The following NDUFB6 variants were observed in gnomAD, a reference collection of about 807,000 sequenced individuals.
NDUFB6 encodes NADH:ubiquinone oxidoreductase subunit B6, also known as NADH dehydrogenase [ubiquinone] 1 beta subcomplex subunit 6.
A neutral mutation model predicts 17.5 loss-of-function variants in NDUFB6; 23 were observed. The ratio of observed to expected loss-of-function variants is 1.31; its 90% confidence interval spans 0.94 to 1.86. The LOEUF is 1.86. NDUFB6 is among the 40% of genes most tolerant of loss of function. The pLI is 0.00. For missense variants in NDUFB6, 167 were observed against 153.8 expected (o/e 1.09, Z -0.46); for synonymous variants, 60 against 53.5 (o/e 1.12, Z -0.53).
At position 32,573,094 on chromosome 9, in the gene NDUFB6, G is replaced by A. The variant is rs905670923; in HGVS notation, c.-34C>T. ...TGGTACCAACGCAAAAGGACACGGC[G>A]CACCCTCGAACTACGGACTAGTTAC... On this transcript the variant is annotated 5_prime_UTR_variant, in exon 1 of 4. Coordinates refer to ENST00000379847, the MANE Select transcript of NDUFB6 (RefSeq NM_002493.5). 9 of 1,496,044 alleles carry A rather than the reference G, an allele frequency of 6.0e-6. No individual in the cohort carries two copies. The highest frequency in any genetic ancestry group is 2.5e-5 in the East Asian group (1 of 40,282). The allele number at this position is 1,496,044 out of a possible 1,614,324, so 92.7% of individuals were successfully genotyped here.
chr9:32,572,970 G>T lies in NDUFB6; in HGVS notation c.91C>A (p.Arg31=). ...TTCTGTGGGGGCAGCACCGGCTCCC[G>T]AGGGCTCAGCTCCTGGTCCTTCAGC... ...RWLKDQELSP[R]EPVLPPQKMG... The change falls in exon 1 of 4, where the codon CGG becomes AGG. Residue 31 remains arginine (R), a synonymous_variant. Transcript: ENST00000379847. The T allele has an allele frequency of 6.2e-7, 1 of 1,611,556 alleles. No individual in the cohort carries two copies. Among genetic ancestry groups the T allele is most frequent in the Non-Finnish European group, 8.5e-7 (1 of 1,178,730 alleles).
intron 3 of NDUFB6, among the ~76,000 whole-genome samples, chr9:32,554,756 T>A (rs1821408605): frequency 3.3e-5 from 5 of 152,354 alleles, no homozygotes; most frequent in African/African-American, 1.2e-4. Context: ...TGCCTTGAAG[T>A]GGCACTAATG....
rs1821978911 is a variant in NDUFB6 at position 32,573,003 on chromosome 9, T to A, written c.58A>T (p.Arg20Trp). 1.2e-6 allele frequency: 2 copies of A among 1,608,960 alleles called. No homozygotes were observed. Among genetic ancestry groups the A allele is most frequent in the Non-Finnish European group, 1.7e-6 (2 of 1,177,268 alleles). ...LRLQQLRELR[R>W]RWLKDQELSP... The stretch of plus-strand genomic sequence containing the variant: ...AGCTCCTGGTCCTTCAGCCATCGCC[T>A]TCTCAGCTCTCGCAGCTGCTGCAGC... The change falls in exon 1 of 4, where the codon AGG becomes TGG. Residue 20 changes from arginine (R) to tryptophan (W), a missense_variant. Coordinates refer to ENST00000379847, the MANE Select transcript of NDUFB6 (RefSeq NM_002493.5).
At chr9:32,562,833 C>T (rs1355776124) in intron 2 of NDUFB6, among the ~76,000 whole-genome samples, 1 of 152,172 alleles carries the variant, frequency 6.6e-6, no homozygotes, top group Non-Finnish European at 1.5e-5. Context: ...GACATGTTCT[C>T]CATTGACTGT....
At chr9:32,566,544 T>C in intron 2 of NDUFB6, 1 of 773,322 alleles carries the variant, frequency 1.3e-6, no homozygotes, top group Non-Finnish European at 2.4e-6. Flanking sequence ...CTCTGTTGTA[T>C]AGCTGCCGTC....
Position 32,553,168 on chromosome 9 carries a change from T to C in NDUFB6, c.*708A>G. On this transcript the variant is annotated 3_prime_UTR_variant, in exon 4 of 4. Coordinates refer to ENST00000379847, the MANE Select transcript of NDUFB6 (RefSeq NM_002493.5). ...AGTTGGAATAAGCTTTTCAATCAAGTTTCTAAATTCTTCAAAAATGATTCG... is the reference window on the plus strand; with the variant it reads ...AGTTGGAATAAGCTTTTCAATCAAGCTTCTAAATTCTTCAAAAATGATTCG... 1 of 378,612 alleles carries C rather than the reference T, an allele frequency of 2.6e-6. No individual in the cohort carries two copies. The highest frequency in any genetic ancestry group is 4.7e-6 in the Non-Finnish European group (1 of 213,022). 23.5% of individuals were successfully genotyped at this position (378,612 alleles called of 1,614,324 possible).
At chr9:32,556,310 T>C (rs1236797097) in intron 3 of NDUFB6, among the ~76,000 whole-genome samples, 1 of 152,226 alleles carries the variant, frequency 6.6e-6, no homozygotes, top group East Asian at 1.9e-4. Context: ...TGAGCAGAAG[T>C]GATGTAAGCT....
intron 3 of NDUFB6, 69 bp from the exon 4 acceptor site, chr9:32,554,013 T>C (rs1563990043): frequency 1.2e-5 from 12 of 982,190 alleles, no homozygotes; most frequent in Middle Eastern, 2.2e-4. Flanking sequence ...TATTCTGTTC[T>C]ATGTTCATCA....
intron 3 of NDUFB6, among the ~76,000 whole-genome samples, chr9:32,558,576 T>C (rs943837956): frequency 6.6e-6 from 1 of 152,246 alleles, no homozygotes; most frequent in East Asian, 1.9e-4. Context: ...CTTAGGCTCA[T>C]GCCCTAAGCT....
chr9:32,566,273 T>C, intron 2 of NDUFB6: 1 of 1,145,104 alleles, frequency 8.7e-7, no homozygotes, highest in Admixed American at 1.7e-5. Context: ...TTAGGTTCTC[T>C]GAGGTAGAAA....
intron 1 of NDUFB6, 74 bp downstream of exon 1, chr9:32,572,807 A>G: frequency 7.4e-7 from 1 of 1,344,958 alleles, no homozygotes; most frequent in Non-Finnish European, 1.0e-6. Context: ...GGCTGCAGGG[A>G]GCGGACGTTC....
At chr9:32,556,612 C>A (rs576358462) in intron 3 of NDUFB6, among the ~76,000 whole-genome samples, 1 of 152,120 alleles carries the variant, frequency 6.6e-6, no homozygotes, top group Non-Finnish European at 1.5e-5. Context: ...GCAAAAAATA[C>A]AGAAATATGA....
intron 2 of NDUFB6, among the ~76,000 whole-genome samples, chr9:32,560,231 GGACCTCTACT>G (rs1821588345): frequency 6.6e-6 from 1 of 152,108 alleles, no homozygotes; most frequent in African/African-American, 2.4e-5. Context: ...AGTGGCTCTG[GGACCTCTACT>G]GACACAAAAT....
intron 1 of NDUFB6, among the ~76,000 whole-genome samples, chr9:32,571,435 T>G (rs1358623389): frequency 6.6e-6 from 1 of 152,246 alleles, no homozygotes; most frequent in Non-Finnish European, 1.5e-5. Context: ...TTTTCAGGTA[T>G]AGTCATCTCC....
chr9:32,566,885 GA>G, intron 2 of NDUFB6: 1 of 602,506 alleles, frequency 1.7e-6, no homozygotes, highest in Admixed American at 2.3e-5. Flanking sequence ...TGCGGCTGGC[GA>G]AAAGCACTGA....
At chr9:32,563,123 A>G (rs909706984) in intron 2 of NDUFB6, among the ~76,000 whole-genome samples, 5 of 152,144 alleles carry the variant, frequency 3.3e-5, no homozygotes, top group Admixed American at 6.5e-5. Flanking sequence ...TTTGGCAGGA[A>G]TATCACAAAA....
chr9:32,567,452 C>A (rs1327906169), intron 2 of NDUFB6: 1 of 450,384 alleles, frequency 2.2e-6, no homozygotes, highest in African/African-American at 2.0e-5. Flanking sequence ...CCTCAGCCTC[C>A]CCAGTAGCTG....
In NDUFB6 at chr9:32,573,126, G is replaced by C; in HGVS notation, c.-66C>G. 2.1e-6 allele frequency: 3 copies of C among 1,438,438 alleles called. No homozygotes were observed. The highest frequency in any genetic ancestry group is 2.8e-5 in the South Asian group (2 of 70,580). The allele number at this position is 1,438,438 out of a possible 1,614,324, so 89.1% of individuals were successfully genotyped here. ...CGAACTACGGACTAGTTACTTAAGC[G>C]CGCTCCCGCTCTGCAAAGCGACCTT... On this transcript the variant is annotated 5_prime_UTR_variant, in exon 1 of 4. Transcript: ENST00000379847.
chr9:32,557,094 G>C (rs1264440279), intron 3 of NDUFB6, among the ~76,000 whole-genome samples: 1 of 150,648 alleles, frequency 6.6e-6, no homozygotes, highest in African/African-American at 2.4e-5. Flanking sequence ...CTGACCTCAG[G>C]TGATCCACCT....
Sources: allele counts gnomAD v4.1 joint callset (sites outside exome capture counted in the v4.1 genomes callset), GRCh38; gene constraint gnomAD v4.1.1; transcripts MANE v1.5; gene names NCBI Gene and HGNC (gene_info 2026-07-23, HGNC 2026-07-21).